Variants in CHCHD3 observed in about 807,000 individuals in gnomAD.
CHCHD3 encodes the protein coiled-coil-helix-coiled-coil-helix domain containing 3.
In CHCHD3, 20 loss-of-function variants were observed where a neutral mutation model predicts 38.2. The observed-to-expected ratio is 0.52, with a 90% CI of 0.37 to 0.76. CHCHD3 has a LOEUF of 0.76. CHCHD3 is among the 30% of genes least tolerant of loss of function. The pLI is 0.00. For missense variants in CHCHD3, 245 were observed against 279.2 expected, an observed-to-expected ratio of 0.88 and a Z score of 0.87; for synonymous variants, 82 against 100.0, an observed-to-expected ratio of 0.82 and a Z score of 1.07.
intron 7 of CHCHD3, among the ~76,000 whole-genome samples, chr7:132,792,364 C>G (rs766718192): frequency 2.2e-4 from 33 of 152,312 alleles, no homozygotes; most frequent in Middle Eastern, 6.8e-3. Flanking sequence ...TTTGGAGAAA[C>G]TGTGAAACTG....
chr7:132,916,491 TGAGTGA>T (rs1810109780), intron 4 of CHCHD3, among the ~76,000 whole-genome samples: 2 of 66,888 alleles, frequency 3.0e-5, no homozygotes, highest in South Asian at 4.0e-4. Flanking sequence ...AATAAGATAT[TGAGTGA>T]GAGAGATGAT....
intron 6 of CHCHD3, among the ~76,000 whole-genome samples, chr7:132,816,825 T>C (rs1042869036): frequency 6.6e-6 from 1 of 152,222 alleles, no homozygotes; most frequent in African/African-American, 2.4e-5. Context: ...GCTGGTATTT[T>C]TTCATTCTAT....
At chr7:133,070,313 T>A in intron 1 of CHCHD3, 84 bp from the exon 2 acceptor site, 1 of 1,063,536 alleles carries the variant, frequency 9.4e-7, no homozygotes, top group South Asian at 1.4e-5. Context: ...AATTTAGTCA[T>A]CCATATCCAT....
chr7:133,079,082 A>C (rs1380109188), intron 1 of CHCHD3, among the ~76,000 whole-genome samples: 2 of 152,210 alleles, frequency 1.3e-5, no homozygotes, highest in Admixed American at 1.3e-4. Flanking sequence ...CTAGACAAAA[A>C]AACACCCTCA....
rs1240590793 is a variant in CHCHD3 at position 132,932,070 on chromosome 7, G to A, written c.369+43099C>T. 2.6e-5 allele frequency among the ~76,000 whole-genome samples: 4 copies of A among 152,146 alleles called. No homozygotes were observed. In the East Asian group the frequency reaches 5.8e-4, roughly 22 times the overall value. On this transcript the variant is annotated intron_variant, in intron 4 of 7. Transcript: ENST00000262570. ...TTTTTTCAGACCCACTATGGACACT[G>A]CAGGATATATTTACCATATTAATTT...
In CHCHD3 at chr7:133,036,115, C is replaced by T. The variant is rs1055625742; in HGVS notation, c.170-11488G>A. 88 of 621,266 alleles carry T rather than the reference C, an allele frequency of 1.4e-4. No individual in the cohort carries two copies. The African/African-American group carries it at 1.5e-3, about 10-fold the overall frequency. 38.5% of individuals were successfully genotyped at this position (621,266 alleles called of 1,614,324 possible). On this transcript the variant is annotated intron_variant, in intron 2 of 7. Coordinates refer to ENST00000262570, the MANE Select transcript of CHCHD3 (RefSeq NM_017812.4). ...GATTTCCTTTAGGGGAATTTTCTTA[C>T]CAAACCCTCCCCAACTCTCACCCCA...
chr7:132,932,182 G>T (rs1314956853), intron 4 of CHCHD3, among the ~76,000 whole-genome samples: 4 of 152,222 alleles, frequency 2.6e-5, no homozygotes, highest in Admixed American at 2.6e-4. Flanking sequence ...AACATGGCCG[G>T]GCTCTGCCAG....
At chr7:132,824,314 CTTTTTTTT>C (rs57262694) in intron 6 of CHCHD3, among the ~76,000 whole-genome samples, 5 of 90,090 alleles carry the variant, frequency 5.6e-5, no homozygotes, top group South Asian at 4.4e-4. Flanking sequence ...TAGTAGAACT[CTTTTTTTT>C]TTTTTTTTTT....
rs76977303 is a variant in CHCHD3 at position 132,924,839 on chromosome 7, G to A, written c.370-39094C>T. ...AAACACACGTACACATACAGCACTC[G>A]GCATGCAGCAACACCCAGCATCTGA... On this transcript the variant is annotated intron_variant, in intron 4 of 7. Transcript: ENST00000262570. Among the ~76,000 whole-genome samples, 654 of 152,174 alleles carry A rather than the reference G, an allele frequency of 4.3e-3. 33 individuals carry two copies. In the East Asian group the frequency reaches 0.1, roughly 24 times the overall value.
intron 3 of CHCHD3, among the ~76,000 whole-genome samples, chr7:132,992,408 G>A (rs2117373609): frequency 6.6e-6 from 1 of 152,206 alleles, no homozygotes; most frequent in African/African-American, 2.4e-5. Flanking sequence ...AGACGTCTGA[G>A]CTACATCCCA....
At chr7:132,918,168 C>CA (rs1341634246) in intron 4 of CHCHD3, among the ~76,000 whole-genome samples, 2 of 152,054 alleles carry the variant, frequency 1.3e-5, no homozygotes, top group African/African-American at 4.8e-5. Flanking sequence ...CCACTGTATT[C>CA]AAAAAAATCT....
intron 7 of CHCHD3, among the ~76,000 whole-genome samples, chr7:132,790,895 A>G (rs12707057): frequency 0.25 from 38,627 of 151,972 alleles, 5,755 homozygotes; most frequent in East Asian, 0.4. Flanking sequence ...GGGGAAGGGG[A>G]TCTCTTTTCA....
intron 5 of CHCHD3, among the ~76,000 whole-genome samples, chr7:132,850,789 A>T (rs764328861): frequency 6.6e-6 from 1 of 152,204 alleles, no homozygotes; most frequent in Non-Finnish European, 1.5e-5. Context: ...AAATCACATA[A>T]ATACATAGTT....
Position 133,059,404 on chromosome 7 carries a change from C to T in CHCHD3, c.169+10738G>A, listed in dbSNP as rs148509887. 7.8e-4 allele frequency among the ~76,000 whole-genome samples: 119 copies of T among 152,276 alleles called. 1 individual carries two copies. The highest frequency in any genetic ancestry group is 2.7e-3 in the African/African-American group (111 of 41,552). Reference sequence around the variant, plus strand: ...AAAGGTACTAATGTCAGATTAACTTCGACCCAATGGAGGAGGAAAGTGAGG... The same window carrying T: ...AAAGGTACTAATGTCAGATTAACTTTGACCCAATGGAGGAGGAAAGTGAGG... On this transcript the variant is annotated intron_variant, in intron 2 of 7. Transcript: ENST00000262570.
chr7:132,894,377 C>T (rs2117189723), intron 4 of CHCHD3, among the ~76,000 whole-genome samples: 1 of 152,306 alleles, frequency 6.6e-6, no homozygotes, highest in African/African-American at 2.4e-5. Flanking sequence ...TCTTCGGAAT[C>T]ACCACATCAC....
Position 132,838,431 on chromosome 7 carries a change from C to G in CHCHD3, c.492G>C (p.Gln164His). 6.2e-7 allele frequency: 1 copy of G among 1,612,954 alleles called. No homozygotes were observed. The highest frequency in any genetic ancestry group is 8.5e-7 in the Non-Finnish European group (1 of 1,179,330). The change falls in exon 6 of 8, where the codon CAG (glutamine) becomes CAC (histidine). Residue 164 changes from glutamine (Q) to histidine (H), a missense_variant. By Grantham distance (24) the Gln-to-His change is conservative. Coordinates refer to ENST00000262570, the MANE Select transcript of CHCHD3 (RefSeq NM_017812.4). ...EFYRVTTEQY[Q>H]KAAEEVEAKF... ...TTGCTTCCACCTCTTCAGCAGCTTT[C>G]TGATATTGTTCAGTGGTGACTCTGT... is the stretch of plus-strand genomic sequence containing the variant.
chr7:132,936,586 A>C (rs1810637826), intron 4 of CHCHD3, among the ~76,000 whole-genome samples: 1 of 152,100 alleles, frequency 6.6e-6, no homozygotes. Context: ...CAGGACCTTA[A>C]GCTTGCCCTA....
intron 4 of CHCHD3, among the ~76,000 whole-genome samples, chr7:132,942,816 A>C (rs974527859): frequency 6.6e-6 from 1 of 152,202 alleles, no homozygotes; most frequent in Non-Finnish European, 1.5e-5. Flanking sequence ...AGTTGGCTAC[A>C]ATAAGTTCAA....
intron 5 of CHCHD3, among the ~76,000 whole-genome samples, chr7:132,877,602 G>T (rs1202155883): frequency 6.6e-6 from 1 of 152,158 alleles, no homozygotes; most frequent in Non-Finnish European, 1.5e-5. Flanking sequence ...AAAAAAAATT[G>T]AGAGTAACTC....
Sources: gnomAD v4.1 joint callset for allele counts (sites outside exome capture counted in the v4.1 genomes callset) on GRCh38, gnomAD v4.1.1 for gene constraint, MANE v1.5 for transcripts, NCBI Gene and HGNC (gene_info 2026-07-23, HGNC 2026-07-21) for gene names.